Variants in FCSK observed in about 807,000 individuals in gnomAD.
The protein encoded by FCSK is fucose kinase.
A neutral mutation model predicts 122.5 loss-of-function variants in FCSK; 123 were observed. The observed-to-expected ratio is 1.00, with a 90% CI of 0.87 to 1.17. FCSK has a LOEUF of 1.17. Ranked by LOEUF, FCSK falls within the 50% of genes most tolerant of loss-of-function variation. The pLI is 0.00. For synonymous variants in FCSK, 620 were observed against 625.5 expected, an observed-to-expected ratio of 0.99 and a Z score of 0.13; for missense variants, 1,366 against 1,450.4, an observed-to-expected ratio of 0.94 and a Z score of 0.95.
chr16:70,470,937 A>AC (rs17885982), intron 11 of FCSK, 34 bp from the exon 12 acceptor site: 3 of 1,537,300 alleles, frequency 2.0e-6, no homozygotes. Context: ...CTGGGCCTCG[A>AC]CCCCCCTCAT....
chr16:70,456,503 T>A (rs1047230804), intron 1 of FCSK, among the ~76,000 whole-genome samples: 1 of 152,224 alleles, frequency 6.6e-6, no homozygotes, highest in Non-Finnish European at 1.5e-5. Flanking sequence ...ATTTTTTTCT[T>A]CTTCAGGACA....
intron 23 of FCSK, 79 bp downstream of exon 23, chr16:70,479,482 T>TTACAG: frequency 1.4e-6 from 2 of 1,475,478 alleles, no homozygotes; most frequent in East Asian, 2.3e-5. Context: ...AACCAGGGGC[T>TTACAG]ATATCTGTAA....
chr16:70,468,203 G>C (rs1597618001), intron 8 of FCSK, among the ~76,000 whole-genome samples: 1 of 152,180 alleles, frequency 6.6e-6, no homozygotes, highest in East Asian at 1.9e-4. Flanking sequence ...GGGTGGATCA[G>C]TTGAGGTCAG....
intron 14 of FCSK, 81 bp from the exon 15 acceptor site, chr16:70,472,902 A>G: frequency 6.8e-7 from 1 of 1,475,568 alleles, no homozygotes. Context: ...TGTCCCCATG[A>G]ACTGACAGGC....
At chr16:70,469,054 G>T in intron 9 of FCSK, 86 bp downstream of exon 9, 1 of 1,606,600 alleles carries the variant, frequency 6.2e-7, no homozygotes, top group Non-Finnish European at 8.5e-7. Flanking sequence ...CCTCTCTGGG[G>T]CAGAGTCTCC....
chr16:70,465,516 G>A (rs970569828), intron 4 of FCSK, among the ~76,000 whole-genome samples: 3 of 151,962 alleles, frequency 2.0e-5, no homozygotes, highest in South Asian at 2.1e-4. Context: ...AAAATTAGCC[G>A]CCATGGTGGT....
chr16:70,465,919 C>T (rs1227014503), intron 4 of FCSK, among the ~76,000 whole-genome samples: 1 of 152,130 alleles, frequency 6.6e-6, no homozygotes, highest in Non-Finnish European at 1.5e-5. Flanking sequence ...CACTACTGCA[C>T]TACAGCCTGG....
At chr16:70,478,203 G>T in intron 20 of FCSK, 69 bp from the exon 21 acceptor site, 3 of 1,527,886 alleles carry the variant, frequency 2.0e-6, no homozygotes, top group South Asian at 1.2e-5. Context: ...GTGCAGGGCC[G>T]GGAGCCTAGG....
In FCSK at chr16:70,479,404, G is replaced by A; in HGVS notation, c.3153+1G>A. On this transcript the variant is annotated splice_donor_variant, in intron 23 of 23. Coordinates refer to ENST00000288078, the MANE Select transcript of FCSK (RefSeq NM_145059.3). LOFTEE classifies it high-confidence loss of function. ...GGAGGCGGTGCTGGCCAAGACCGAG[G>A]TACTGATGGGGCTGGGGTTGGTAAA... 6.2e-7 allele frequency: 1 copy of A among 1,611,496 alleles called. No homozygotes were observed. The highest frequency in any genetic ancestry group is 1.3e-5 in the African/African-American group (1 of 75,006).
In FCSK at chr16:70,469,306, AT is replaced by A; in HGVS notation, c.939del (p.Gln314SerfsTer16). 6.2e-7 allele frequency: 1 copy of A among 1,604,118 alleles called. No homozygotes were observed. The highest frequency in any genetic ancestry group is 2.2e-5 in the East Asian group (1 of 44,856). ...ARAQLWRELR[D>X]QPLTMAYVSS... ...GCCCAGCTGTGGAGGGAGCTTCGCGATCAGCCCCTTACCATGGGTGGGTACT... is the reference window on the plus strand; with the variant it reads ...GCCCAGCTGTGGAGGGAGCTTCGCGACAGCCCCTTACCATGGGTGGGTACT... On this transcript the variant is annotated frameshift_variant, in exon 10 of 24. Coordinates refer to ENST00000288078, the MANE Select transcript of FCSK (RefSeq NM_145059.3). LOFTEE classifies it high-confidence loss of function.
At chr16:70,467,748 C>G (rs2048468725) in intron 7 of FCSK, 138 bp from the exon 8 acceptor site, 3 of 723,990 alleles carry the variant, frequency 4.1e-6, no homozygotes, top group Non-Finnish European at 4.8e-6. Context: ...CTCAGGCCCC[C>G]CCTGAGAATG....
chr16:70,466,255 C>A lies in FCSK; in HGVS notation c.409C>A (p.Arg137=), dbSNP rs947283993. 2 of 1,613,880 alleles carry A rather than the reference C, an allele frequency of 1.2e-6. No homozygotes were observed. The highest frequency in any genetic ancestry group is 1.7e-5 in the Admixed American group (1 of 60,006). ...CTGCCTGCTGGACATCATGACCTAT[C>A]GGGTGAGGCTGGGTGGTGGCCCGTG... ...LDCLLDIMTY[R]LGPGSPPGVW... The change falls in exon 5 of 24, where the codon CGG becomes AGG. Residue 137 remains arginine (R), a splice_region_variant and synonymous_variant. Transcript: ENST00000288078.
chr16:70,479,678 T>C lies in FCSK; in HGVS notation c.3253T>C (p.Ter1085ArgextTer42), dbSNP rs770015143. 5.0e-6 allele frequency: 8 copies of C among 1,613,282 alleles called. No homozygotes were observed. Among genetic ancestry groups the C allele is most frequent in the African/African-American group, 1.3e-5 (1 of 74,892 alleles). Residue 1085 changes from the stop codon to arginine (R), a stop_lost, in exon 24 of 24, where the codon TGA (stop) becomes CGA (arginine). Coordinates refer to ENST00000288078, the MANE Select transcript of FCSK (RefSeq NM_145059.3). ...GGCCTCAACCTGTTGCCCTTTCCCA[T>C]GAAGCTGGCTTCTCTCTGCAACAGG... ...TEASTCCPFP[*>R]
Position 70,466,309 on chromosome 16 carries a change from C to G in FCSK, c.411+52C>G, listed in dbSNP as rs375279552. 2.5e-6 allele frequency: 4 copies of G among 1,604,276 alleles called. No homozygotes were observed. In the East Asian group the frequency reaches 9.0e-5, roughly 36 times the overall value. Reference sequence around the variant, plus strand: ...CCTCGTCCCAGATAGAGCCACTTCCCTCCCACTGTTCCCCCAGGTATGATC... The same window carrying G: ...CCTCGTCCCAGATAGAGCCACTTCCGTCCCACTGTTCCCCCAGGTATGATC... On this transcript the variant is annotated intron_variant, in intron 5 of 23. Coordinates refer to ENST00000288078, the MANE Select transcript of FCSK (RefSeq NM_145059.3).
At position 70,463,204 on chromosome 16, in the gene FCSK, A is replaced by G; in HGVS notation, c.14A>G (p.Lys5Arg). The G allele has an allele frequency of 6.2e-7, 1 of 1,614,082 alleles. No homozygotes were observed. Among genetic ancestry groups the G allele is most frequent in the Admixed American group, 1.7e-5 (1 of 60,016 alleles). Residue 5 changes from lysine to arginine, a missense_variant, in exon 2 of 24, where the codon AAG becomes AGG. Physicochemically the swap from Lys to Arg is conservative, Grantham distance 26. Coordinates refer to ENST00000288078, the MANE Select transcript of FCSK (RefSeq NM_145059.3). ...CGCTTGGCCAGAATGGAGCAGCCGA[A>G]GGGAGTTGATTGGACAGTCATCATC... MEQP[K>R]GVDWTVIILT...
intron 13 of FCSK, 100 bp from the exon 14 acceptor site, chr16:70,472,441 C>A: frequency 1.2e-6 from 1 of 869,370 alleles, no homozygotes. Context: ...GTCTTCCTGC[C>A]CTCATGTGAG....
intron 13 of FCSK, 30 bp from the exon 14 acceptor site, chr16:70,472,511 C>T (rs1440037225): frequency 2.5e-6 from 4 of 1,591,932 alleles, no homozygotes; most frequent in Non-Finnish European, 3.4e-6. Context: ...GTGGCCCCTG[C>T]AGCCCTGACT....
In FCSK at chr16:70,471,166, C is replaced by A. The variant is rs2048604029; in HGVS notation, c.1171-16C>A. On this transcript the variant is annotated splice_polypyrimidine_tract_variant and intron_variant, in intron 12 of 23. Transcript: ENST00000288078. ...GGTGCCTGCCCACCCAGGATGCCTGCCCTGTCCCCCACCAGGGCCCCATTC... is the reference window on the plus strand; with the variant it reads ...GGTGCCTGCCCACCCAGGATGCCTGACCTGTCCCCCACCAGGGCCCCATTC... 6.3e-7 allele frequency: 1 copy of A among 1,598,240 alleles called. No homozygotes were observed. Among genetic ancestry groups the A allele is most frequent in the South Asian group, 1.1e-5 (1 of 90,238 alleles).
In FCSK at chr16:70,463,690, A is replaced by G. The variant is rs1481053586; in HGVS notation, c.150A>G (p.Pro50=). The change falls in exon 3 of 24, where the codon CCA becomes CCG. Residue 50 remains proline, a synonymous_variant. Coordinates refer to ENST00000288078, the MANE Select transcript of FCSK (RefSeq NM_145059.3). The part of the protein sequence containing the change: ...AGTLLLAVED[P]EKRVGSGGAT... Reference sequence around the variant, plus strand: ...CGCTGTTACTGGCCGTGGAGGACCCAGAGAAGCGTGTGGGCAGCGGAGGAG... The same window carrying G: ...CGCTGTTACTGGCCGTGGAGGACCCGGAGAAGCGTGTGGGCAGCGGAGGAG... 1 of 1,613,182 alleles carries G rather than the reference A, an allele frequency of 6.2e-7. No individual in the cohort carries two copies.
Sources: gnomAD v4.1 joint callset for allele counts (sites outside exome capture counted in the v4.1 genomes callset) on GRCh38, gnomAD v4.1.1 for gene constraint, MANE v1.5 for transcripts, NCBI Gene and HGNC (gene_info 2026-07-23, HGNC 2026-07-21) for gene names.